HIVEP3: variants seen among roughly 807,000 people sequenced by gnomAD.
HIVEP3 encodes the protein transcription factor HIVEP3.
Under a neutral mutation model 152.8 loss-of-function variants are expected in HIVEP3, and 49 were observed. The ratio of observed to expected loss-of-function variants is 0.32; its 90% CI spans 0.26 to 0.41. The LOEUF (loss-of-function observed/expected upper bound fraction) is 0.41. Ranked by LOEUF, HIVEP3 falls within the 10% of genes least tolerant of loss-of-function variation. HIVEP3 has a pLI of 1.00. For missense variants in HIVEP3, 2,790 were observed against 3,103.3 expected (o/e 0.90, Z 2.40); for synonymous variants, 1,269 against 1,289.0 (o/e 0.98, Z 0.33).
chr1:42,027,101 T>C (rs1645586617), intron 1 of HIVEP3, among the ~76,000 whole-genome samples: 1 of 152,212 alleles, frequency 6.6e-6, no homozygotes, highest in South Asian at 2.1e-4. Context: ...ACCTTGCTTT[T>C]GAATGTTTCT....
rs114952720 is a variant in HIVEP3, at chr1:41,975,106, T to G, written n.120-56582A>C. The stretch of plus-strand genomic sequence containing the variant: ...GCAAGAATATAAAGACCTGGAGACC[T>G]GGCCCCCTTGCCTCAATTTGGGACA... On this transcript the variant is annotated intron_variant and non_coding_transcript_variant, in intron 1 of 3. Coordinates refer to the HIVEP3 transcript ENST00000489103. Among the ~76,000 whole-genome samples, 484 of 152,308 alleles carry G rather than the reference T, an allele frequency of 3.2e-3. 3 individuals carry two copies. Among genetic ancestry groups the G allele is most frequent in the African/African-American group, 0.011 (463 of 41,582 alleles).
intron 1 of HIVEP3, among the ~76,000 whole-genome samples, chr1:41,739,350 C>A (rs56329272): frequency 0.064 from 9,812 of 152,190 alleles, 1,083 homozygotes; most frequent in African/African-American, 0.22. Flanking sequence ...GTCAGAGGGT[C>A]GGTGGCAGCC....
chr1:41,575,434 C>G (rs571602162), intron 5 of HIVEP3, 110 bp downstream of exon 5: 2 of 1,133,812 alleles, frequency 1.8e-6, no homozygotes, highest in African/African-American at 1.5e-5. Context: ...GACCACAGGG[C>G]ACCTGTGGGC....
At chr1:41,787,048 G>A (rs1558268508) in intron 1 of HIVEP3, among the ~76,000 whole-genome samples, 2 of 151,876 alleles carry the variant, frequency 1.3e-5, no homozygotes, top group Admixed American at 6.6e-5. Context: ...TACCACACCC[G>A]GCCTACATAT....
intron 1 of HIVEP3, among the ~76,000 whole-genome samples, chr1:41,941,890 T>C (rs934130528): frequency 2.6e-5 from 4 of 152,228 alleles, no homozygotes; most frequent in Non-Finnish European, 4.4e-5. Context: ...GATCGCTGGA[T>C]CACACTTTCA....
intron 1 of HIVEP3, among the ~76,000 whole-genome samples, chr1:42,025,600 C>A (rs1402713831): frequency 6.6e-6 from 1 of 152,106 alleles, no homozygotes; most frequent in African/African-American, 2.4e-5. Context: ...GCTCATTGAC[C>A]CTTGAAAATT....
chr1:41,719,066 C>T (rs1448661747), intron 1 of HIVEP3, among the ~76,000 whole-genome samples: 1 of 152,152 alleles, frequency 6.6e-6, no homozygotes, highest in Admixed American at 6.5e-5. Context: ...GAGATAAAGG[C>T]CAGATAGCTA....
At chr1:41,635,878 T>C (rs545609717) in intron 2 of HIVEP3, among the ~76,000 whole-genome samples, 1 of 152,166 alleles carries the variant, frequency 6.6e-6, no homozygotes, top group South Asian at 2.1e-4. Context: ...AAAGTATAAA[T>C]TGTAAAACTG....
intron 1 of HIVEP3, among the ~76,000 whole-genome samples, chr1:41,730,707 A>C (rs1339161359): frequency 6.6e-6 from 1 of 152,246 alleles, no homozygotes; most frequent in Non-Finnish European, 1.5e-5. Context: ...GTCAGGTGGC[A>C]TTAGGAGGCC....
intron 2 of HIVEP3, among the ~76,000 whole-genome samples, chr1:41,673,219 T>C (rs541185803): frequency 2.0e-5 from 3 of 152,278 alleles, no homozygotes; most frequent in Admixed American, 2.0e-4. Context: ...CACAGGACAG[T>C]TGGAGCCAAA....
At chr1:41,808,710 A>G (rs989119037) in intron 1 of HIVEP3, among the ~76,000 whole-genome samples, 2 of 152,162 alleles carry the variant, frequency 1.3e-5, no homozygotes, top group African/African-American at 2.4e-5. Flanking sequence ...TCCTTTATTT[A>G]TTTTTCAGAT....
intron 1 of HIVEP3, among the ~76,000 whole-genome samples, chr1:41,975,025 G>C (rs1168884423): frequency 6.6e-6 from 1 of 152,132 alleles, no homozygotes; most frequent in Non-Finnish European, 1.5e-5. Flanking sequence ...AGCTTCCCAA[G>C]GGCCACATCC....
chr1:41,653,356 C>A (rs934870653), intron 2 of HIVEP3, among the ~76,000 whole-genome samples: 2 of 152,102 alleles, frequency 1.3e-5, no homozygotes, highest in Non-Finnish European at 2.9e-5. Context: ...CACACACATA[C>A]TATTTTGCAG....
Position 41,582,778 on chromosome 1 carries a change from G to C in HIVEP3, c.2020C>G (p.Pro674Ala). 1 of 1,614,180 alleles carries C rather than the reference G, an allele frequency of 6.2e-7. No homozygotes were observed. Reference protein sequence around the residue: ...YYCSELQIAKPISAGTHTSPE... With the variant: ...YYCSELQIAKAISAGTHTSPE... ...GATGTGTGGGTGCCTGCAGAGATGG[G>C]CTTTGCGATCTGAAGCTCTGAGCAG... is the stretch of plus-strand genomic sequence containing the variant. Residue 674 changes from proline (P) to alanine (A), a missense_variant, in exon 4 of 9, where the codon CCC (proline) becomes GCC (alanine). Physicochemically the swap from Pro to Ala is conservative, Grantham distance 27. Around this residue, in one of 9 missense-constraint regions of HIVEP3, gnomAD observed 339 missense variants for 327.0 expected, o/e 1.04. Coordinates refer to ENST00000372583, the MANE Select transcript of HIVEP3 (RefSeq NM_024503.5). This position sits in a 1 kb window ranked among gnomAD's most constrained non-coding sequence, Gnocchi z 4.7.
intron 2 of HIVEP3, among the ~76,000 whole-genome samples, chr1:41,640,172 C>A (rs890408645): frequency 1.3e-5 from 2 of 151,014 alleles, no homozygotes; most frequent in African/African-American, 4.9e-5. Flanking sequence ...GGGGAGCACC[C>A]AGCCCAGGAG....
At chr1:41,897,115 T>C (rs1331905862) in intron 1 of HIVEP3, among the ~76,000 whole-genome samples, 1 of 152,000 alleles carries the variant, frequency 6.6e-6, no homozygotes, top group Non-Finnish European at 1.5e-5. Flanking sequence ...GGAGAGAGAT[T>C]GGGATCAACT....
chr1:41,792,714 A>C (rs544719088), intron 1 of HIVEP3, among the ~76,000 whole-genome samples: 1 of 152,350 alleles, frequency 6.6e-6, no homozygotes, highest in African/African-American at 2.4e-5. Context: ...CTTGACTTAG[A>C]GAAAGGACAC....
In HIVEP3 at chr1:41,864,216, G is replaced by A. The variant is rs981078856; in HGVS notation, c.-801+54197C>T. ...CCTTTGGGTTTATAGCACCCTGGTC[G>A]GGTTCACAGGAAGGGAAAGGAGAGG... On this transcript the variant is annotated intron_variant, in intron 1 of 8. Coordinates refer to ENST00000372583, the MANE Select transcript of HIVEP3 (RefSeq NM_024503.5). 3.9e-5 allele frequency among the ~76,000 whole-genome samples: 6 copies of A among 152,094 alleles called. No homozygotes were observed. In the East Asian group the frequency reaches 7.7e-4, roughly 20 times the overall value.
chr1:41,724,915 C>G (rs1451509266), intron 1 of HIVEP3, among the ~76,000 whole-genome samples: 1 of 152,226 alleles, frequency 6.6e-6, no homozygotes, highest in Non-Finnish European at 1.5e-5. Context: ...GCTCTCACAC[C>G]AAGACAAAGA....
Sources: gnomAD v4.1 joint callset for allele counts (sites outside exome capture counted in the v4.1 genomes callset) on GRCh38, gnomAD v4.1.1 for gene constraint, gnomAD v4.1.1 regional missense constraint, Gnocchi (gnomAD v3.1) non-coding constraint, MANE v1.5 for transcripts, NCBI Gene and HGNC (gene_info 2026-07-23, HGNC 2026-07-21) for gene names.